Variants in ARHGAP10 observed in about 807,000 individuals in gnomAD.
The protein encoded by ARHGAP10 is Rho GTPase activating protein 10, also known as rho GTPase-activating protein 10.
ARHGAP10 carries 87 observed loss-of-function variants against 108.6 expected under a neutral mutation model. The observed-to-expected ratio is 0.80, with a 90% CI of 0.67 to 0.96. ARHGAP10 has a LOEUF of 0.96. Ranked by LOEUF, ARHGAP10 falls within the 40% of genes least tolerant of loss-of-function variation. ARHGAP10 has a pLI of 0.00. For missense variants in ARHGAP10, 939 were observed against 954.5 expected (o/e 0.98, Z 0.21); for synonymous variants, 347 against 341.1 (o/e 1.02, Z -0.19).
chr4:147,786,539 AGGG>A (rs1319654939), intron 1 of ARHGAP10, among the ~76,000 whole-genome samples: 3 of 152,180 alleles, frequency 2.0e-5, no homozygotes, highest in African/African-American at 7.2e-5. Context: ...CAGGAGCAAA[AGGG>A]GGGAAAATTC....
chr4:147,986,248 A>G (rs1053410357), intron 18 of ARHGAP10, among the ~76,000 whole-genome samples: 1 of 152,102 alleles, frequency 6.6e-6, no homozygotes, highest in African/African-American at 2.4e-5. Context: ...GAGCTACTCC[A>G]TGCCTCTCAC....
intron 1 of ARHGAP10, among the ~76,000 whole-genome samples, chr4:147,805,181 T>C (rs1433487625): frequency 2.0e-5 from 3 of 152,244 alleles, no homozygotes; most frequent in Non-Finnish European, 4.4e-5. Flanking sequence ...CTAGTTTCAG[T>C]CTTCTGCCTA....
chr4:147,996,688 A>G (rs1740490583), intron 18 of ARHGAP10, among the ~76,000 whole-genome samples: 1 of 152,158 alleles, frequency 6.6e-6, no homozygotes, highest in Non-Finnish European at 1.5e-5. Flanking sequence ...CTAAACTGTG[A>G]CCCCTCCCAA....
Position 148,046,950 on chromosome 4 carries a change from C to G in ARHGAP10, c.1926C>G (p.Ser642=). 1 of 1,614,176 alleles carries G rather than the reference C, an allele frequency of 6.2e-7. No individual in the cohort carries two copies. Among genetic ancestry groups the G allele is most frequent in the Non-Finnish European group, 8.5e-7 (1 of 1,180,036 alleles). Residue 642 remains serine (S), a synonymous_variant, in exon 20 of 23, where the codon TCC becomes TCG. Coordinates refer to ENST00000336498, the MANE Select transcript of ARHGAP10 (RefSeq NM_024605.4). ...CTACCAGCAGTCTGGACTCACTTTC[C>G]TCCCCGTCTCCCGTGACTACAGCTG... is the stretch of plus-strand genomic sequence containing the variant. ...DTPTSSLDSL[S]SPSPVTTAVP...
chr4:147,832,376 C>T (rs1376679013), intron 3 of ARHGAP10, among the ~76,000 whole-genome samples: 4 of 150,484 alleles, frequency 2.7e-5, no homozygotes, highest in African/African-American at 7.3e-5. Flanking sequence ...AGTCCAGGCA[C>T]GGTAGCTCAC....
At chr4:147,943,450 G>A (rs1738240502) in intron 14 of ARHGAP10, among the ~76,000 whole-genome samples, 1 of 152,196 alleles carries the variant, frequency 6.6e-6, no homozygotes, top group East Asian at 1.9e-4. Flanking sequence ...TCCATTCACT[G>A]TGCTTTTTCA....
intron 22 of ARHGAP10, among the ~76,000 whole-genome samples, chr4:148,064,840 T>C (rs1406153138): frequency 1.3e-5 from 2 of 152,238 alleles, no homozygotes; most frequent in Admixed American, 6.5e-5. Flanking sequence ...TTATTTTCTT[T>C]GTTCTCCCAG....
intron 20 of ARHGAP10, among the ~76,000 whole-genome samples, chr4:148,056,718 G>T (rs894015223): frequency 2.0e-5 from 3 of 152,126 alleles, no homozygotes; most frequent in Admixed American, 6.5e-5. Context: ...TCAAATCCAG[G>T]ATGCCATGTT....
At chr4:148,048,251 T>C (rs1427062389) in intron 20 of ARHGAP10, among the ~76,000 whole-genome samples, 1 of 152,176 alleles carries the variant, frequency 6.6e-6, no homozygotes, top group Non-Finnish European at 1.5e-5. Flanking sequence ...GTTCCTCAGA[T>C]TACGTGGCTT....
chr4:147,882,680 A>G (rs1408478445), intron 10 of ARHGAP10, among the ~76,000 whole-genome samples: 3 of 152,118 alleles, frequency 2.0e-5, no homozygotes, highest in Non-Finnish European at 4.4e-5. Context: ...CCTTCTGTTT[A>G]TTCAAAGGTG....
chr4:147,760,851 G>A (rs1353370303), intron 1 of ARHGAP10, among the ~76,000 whole-genome samples: 1 of 152,102 alleles, frequency 6.6e-6, no homozygotes, highest in East Asian at 1.9e-4. Context: ...GGCTTTCAGT[G>A]GCTGAGAGAT....
At chr4:148,033,448 A>G (rs1415156626) in intron 19 of ARHGAP10, among the ~76,000 whole-genome samples, 1 of 152,250 alleles carries the variant, frequency 6.6e-6, no homozygotes, top group Non-Finnish European at 1.5e-5. Flanking sequence ...GAAAACCTAT[A>G]TATTTAAATA....
intron 1 of ARHGAP10, among the ~76,000 whole-genome samples, chr4:147,802,562 A>G (rs1427866721): frequency 1.3e-5 from 2 of 152,212 alleles, no homozygotes; most frequent in Non-Finnish European, 2.9e-5. Context: ...TGTCTCTACA[A>G]TATAAATAGT....
chr4:147,757,913 C>T (rs781750498), intron 1 of ARHGAP10, among the ~76,000 whole-genome samples: 2 of 152,166 alleles, frequency 1.3e-5, no homozygotes, highest in Non-Finnish European at 2.9e-5. Context: ...GAGACTGCTA[C>T]CTCACCAGGG....
At chr4:147,902,035 G>A (rs1342441691) in intron 10 of ARHGAP10, among the ~76,000 whole-genome samples, 1 of 152,158 alleles carries the variant, frequency 6.6e-6, no homozygotes, top group Non-Finnish European at 1.5e-5. Context: ...GATTGTCACT[G>A]AATTCCTTTA....
At chr4:148,024,508 G>T (rs1463164437) in intron 19 of ARHGAP10, among the ~76,000 whole-genome samples, 1 of 152,154 alleles carries the variant, frequency 6.6e-6, no homozygotes, top group Non-Finnish European at 1.5e-5. Context: ...TGACTTAGAG[G>T]TATCTCTAGG....
chr4:147,909,904 A>G (rs2126915423), intron 12 of ARHGAP10, 127 bp downstream of exon 12: 12 of 881,328 alleles, frequency 1.4e-5, no homozygotes, highest in Non-Finnish European at 2.1e-5. Flanking sequence ...GGGGTATTAC[A>G]CGTAATAATC....
At chr4:148,019,522 C>T (rs1031011026) in intron 18 of ARHGAP10, among the ~76,000 whole-genome samples, 6 of 151,956 alleles carry the variant, frequency 3.9e-5, no homozygotes, top group African/African-American at 1.2e-4. Context: ...GTGGCAGAGG[C>T]GGACGGATCA....
intron 20 of ARHGAP10, among the ~76,000 whole-genome samples, chr4:148,049,580 G>A (rs1013984128): frequency 4.5e-4 from 69 of 151,946 alleles, no homozygotes; most frequent in African/African-American, 1.5e-3. Flanking sequence ...CTTCACCTCC[G>A]GGAAGTCTTC....
Sources: gnomAD v4.1 joint callset for allele counts (sites outside exome capture counted in the v4.1 genomes callset) on GRCh38, gnomAD v4.1.1 for gene constraint, MANE v1.5 for transcripts, NCBI Gene and HGNC (gene_info 2026-07-23, HGNC 2026-07-21) for gene names.